The following CDHR4 variants were observed in gnomAD, a reference collection of about 807,000 sequenced individuals.
The protein encoded by CDHR4 is cadherin-related family member 4.
In CDHR4, 89 loss-of-function variants were observed where a neutral mutation model predicts 88.4. The observed-to-expected ratio is 1.01, with a 90% CI of 0.85 to 1.20. The LOEUF is 1.20. Among genes scored for constraint, CDHR4 ranks in the 50% most tolerant of loss-of-function variants. The pLI is 0.00. For synonymous variants in CDHR4, 368 were observed against 399.2 expected (o/e 0.92, Z 0.93); for missense variants, 914 against 1,007.2 (o/e 0.91, Z 1.25).
At chr3:49,792,025 C>G in intron 15 of CDHR4, 66 bp from the exon 16 acceptor site, 2 of 1,437,780 alleles carry the variant, frequency 1.4e-6, no homozygotes, top group Non-Finnish European at 1.9e-6. Flanking sequence ...GGAATCAGCA[C>G]CATTCACCCA....
intron 4 of CDHR4, among the ~76,000 whole-genome samples, chr3:49,797,318 G>A (rs533641374): frequency 5.9e-4 from 87 of 147,378 alleles, no homozygotes; most frequent in African/African-American, 1.9e-3. Context: ...TCTCTCTGTC[G>A]CCCAGGCTGG....
intron 5 of CDHR4, 54 bp downstream of exon 5, chr3:49,796,868 A>G: frequency 7.1e-7 from 1 of 1,404,126 alleles, no homozygotes. Flanking sequence ...AATTTCTAAA[A>G]GGTAGGCACT....
At chr3:49,793,473 C>T in intron 12 of CDHR4, 110 bp downstream of exon 12, 1 of 1,477,828 alleles carries the variant, frequency 6.8e-7, no homozygotes. Context: ...TCTTCTCCAG[C>T]CAACTCGTGG....
Position 49,795,703 on chromosome 3 carries a change from C to A in CDHR4, c.772G>T (p.Val258Phe). Reference protein sequence around the residue: ...NLAPGSEVVQVQARGVDLRYE... With the variant: ...NLAPGSEVVQFQARGVDLRYE... ...CGCAGGTCGACACCCCGGGCCTGGA[C>A]CTGAACCACCTCACTACCGGGGGCC... Residue 258 changes from valine (V) to phenylalanine (F), a missense_variant, in exon 7 of 19, where the codon GTC becomes TTC. Physicochemically the swap from Val to Phe is conservative, Grantham distance 50. Coordinates refer to ENST00000412678, the MANE Select transcript of CDHR4 (RefSeq NM_001007540.4). This position sits in a 1 kb window ranked among gnomAD's most constrained non-coding sequence, Gnocchi z 5.4. The A allele has an allele frequency of 6.4e-7, 1 of 1,551,684 alleles. No homozygotes were observed. The highest frequency in any genetic ancestry group is 8.7e-7 in the Non-Finnish European group (1 of 1,146,978).
intron 4 of CDHR4, chr3:49,798,423 A>C: frequency 5.1e-6 from 1 of 196,202 alleles, no homozygotes; most frequent in Non-Finnish European, 1.0e-5. Flanking sequence ...TGTCTCCACT[A>C]CAAAATACAA....
upstream of CDHR4, among the ~76,000 whole-genome samples, chr3:49,801,451 T>C (rs1349316625): frequency 1.3e-5 from 2 of 152,178 alleles, no homozygotes; most frequent in Admixed American, 6.5e-5. Context: ...ATACCATCCA[T>C]TCACTCACTA....
chr3:49,795,834 TG>T lies in CDHR4; in HGVS notation c.711-71del. ...CCTGTGGGTCCACAGCTTCCTTCCCTGGGCCCCCTCCTGTCAGGGCTGGGAC... is the reference window on the plus strand; with the variant it reads ...CCTGTGGGTCCACAGCTTCCTTCCCTGGCCCCCTCCTGTCAGGGCTGGGAC... On this transcript the variant is annotated intron_variant, in intron 6 of 18. Transcript: ENST00000412678. This position sits in a 1 kb window ranked among gnomAD's most constrained non-coding sequence, Gnocchi z 5.4. The T allele has an allele frequency of 6.5e-7, 1 of 1,538,890 alleles. No individual in the cohort carries two copies. Among genetic ancestry groups the T allele is most frequent in the Admixed American group, 2.0e-5 (1 of 50,432 alleles).
chr3:49,793,574 C>A lies in CDHR4; in HGVS notation c.1623+9G>T, dbSNP rs764833733. 3 of 1,551,546 alleles carry A rather than the reference C, an allele frequency of 1.9e-6. No homozygotes were observed. In the African/African-American group the frequency reaches 4.1e-5, roughly 21 times the overall value. ...AGTATTTATTTCCAAAGCCTTAGGA[C>A]GCAATTACCTCAACCTCGATGGTAA... is the stretch of plus-strand genomic sequence containing the variant. On this transcript the variant is annotated intron_variant, in intron 12 of 18. Coordinates refer to ENST00000412678, the MANE Select transcript of CDHR4 (RefSeq NM_001007540.4).
Position 49,798,948 on chromosome 3 carries a change from C to T in CDHR4, c.404-31G>A, listed in dbSNP as rs200305702. ...CAGAGTGGAGGTCAGGGAGGATCTG[C>T]TCAGGCCATGCCTGCCCCCACCCTG... On this transcript the variant is annotated intron_variant, in intron 3 of 18. Coordinates refer to ENST00000412678, the MANE Select transcript of CDHR4 (RefSeq NM_001007540.4). 6.8e-4 allele frequency: 1,088 copies of T among 1,611,510 alleles called. 9 individuals carry two copies. In the African/African-American group the frequency reaches 0.014, roughly 20 times the overall value.
At chr3:49,791,689 T>A in intron 17 of CDHR4, 25 bp downstream of exon 17, 2 of 1,551,138 alleles carry the variant, frequency 1.3e-6, no homozygotes, top group South Asian at 2.4e-5. Context: ...TGGTGTCCAC[T>A]ACTTGAGATG....
chr3:49,793,512 A>G, intron 12 of CDHR4, 71 bp downstream of exon 12: 1 of 1,525,278 alleles, frequency 6.6e-7, no homozygotes, highest in Non-Finnish European at 8.8e-7. Context: ...GTGGAAAAGC[A>G]GAACACCACA....
rs1463045268 is a variant in CDHR4 at position 49,794,711 on chromosome 3, G to A, written c.1186-10C>T. 2 of 1,548,796 alleles carry A rather than the reference G, an allele frequency of 1.3e-6. No individual in the cohort carries two copies. Among genetic ancestry groups the A allele is most frequent in the Middle Eastern group, 1.7e-4 (1 of 5,940 alleles). ...CCAGTGTGGCATTCACCTAGCCAAA[G>A]GGGCTAGAAAGTGAGGTCCAGCCAG... On this transcript the variant is annotated splice_polypyrimidine_tract_variant and intron_variant, in intron 9 of 18. Transcript: ENST00000412678.
At position 49,791,977 on chromosome 3, in the gene CDHR4, G is replaced by A. The variant is rs1056574950; in HGVS notation, c.2139-18C>T. The A allele has an allele frequency of 3.2e-6, 5 of 1,551,312 alleles. No homozygotes were observed. Among genetic ancestry groups the A allele is most frequent in the Non-Finnish European group, 4.4e-6 (5 of 1,146,958 alleles). On this transcript the variant is annotated intron_variant, in intron 15 of 18. Coordinates refer to ENST00000412678, the MANE Select transcript of CDHR4 (RefSeq NM_001007540.4). Reference sequence around the variant, plus strand: ...GGGCCAACCTAAAATGCCAGGAGGAGTAACGAAGCAGTGAGGGCAGCAGGC... The same window carrying A: ...GGGCCAACCTAAAATGCCAGGAGGAATAACGAAGCAGTGAGGGCAGCAGGC...
chr3:49,793,437 C>A lies in CDHR4; in HGVS notation c.1624-126G>T, dbSNP rs927744336. 120 of 1,453,098 alleles carry A rather than the reference C, an allele frequency of 8.3e-5. No individual in the cohort carries two copies. In the African/African-American group the frequency reaches 1.6e-3, roughly 19 times the overall value. The allele number at this position is 1,453,098 out of a possible 1,614,324, so 90.0% of individuals were successfully genotyped here. Reference sequence around the variant, plus strand: ...AGTGATGAAGTCATCACACAACAGGCTCCAGAGCTTTCAATTAGGCCCCAC... The same window carrying A: ...AGTGATGAAGTCATCACACAACAGGATCCAGAGCTTTCAATTAGGCCCCAC... On this transcript the variant is annotated intron_variant, in intron 12 of 18. Coordinates refer to ENST00000412678, the MANE Select transcript of CDHR4 (RefSeq NM_001007540.4).
At chr3:49,798,064 C>T (rs549146403) in intron 4 of CDHR4, among the ~76,000 whole-genome samples, 2 of 151,822 alleles carry the variant, frequency 1.3e-5, no homozygotes, top group Non-Finnish European at 2.9e-5. Flanking sequence ...CACGCCACCA[C>T]ACCTGGCTAA....
chr3:49,797,122 C>T, intron 4 of CDHR4, 90 bp from the exon 5 acceptor site: 1 of 928,412 alleles, frequency 1.1e-6, no homozygotes, highest in South Asian at 1.5e-5. Flanking sequence ...TCCAGCAACC[C>T]AGCAGGCACC....
chr3:49,794,198 A>C (rs1474467504), intron 10 of CDHR4, among the ~76,000 whole-genome samples, 192 bp from the exon 11 acceptor site: 1 of 152,182 alleles, frequency 6.6e-6, no homozygotes, highest in East Asian at 1.9e-4. Context: ...GGAGATTGAG[A>C]CTATCCTGGC....
intron 17 of CDHR4, 71 bp from the exon 18 acceptor site, chr3:49,791,539 C>T (rs1308956490): frequency 2.6e-6 from 4 of 1,524,852 alleles, no homozygotes; most frequent in Non-Finnish European, 3.5e-6. Flanking sequence ...GAAGGCCTGC[C>T]CCTAGGGGGC....
chr3:49,802,623 G>A (rs546389277), upstream of CDHR4, among the ~76,000 whole-genome samples: 1 of 152,240 alleles, frequency 6.6e-6, no homozygotes, highest in African/African-American at 2.4e-5. Context: ...AGCCTAGCCT[G>A]TGTTGATAGA....
Sources: gnomAD v4.1 joint callset for allele counts (sites outside exome capture counted in the v4.1 genomes callset) on GRCh38, gnomAD v4.1.1 for gene constraint, Gnocchi (gnomAD v3.1) non-coding constraint, MANE v1.5 for transcripts, NCBI Gene and HGNC (gene_info 2026-07-23, HGNC 2026-07-21) for gene names.